The following GLMN variants were observed in gnomAD, a reference collection of about 807,000 sequenced individuals.
The protein encoded by GLMN is glomulin, FKBP associated protein.
A neutral mutation model predicts 87.8 loss-of-function variants in GLMN; 75 were observed. The ratio of observed to expected loss-of-function variants is 0.85; its 90% CI spans 0.71 to 1.04. The LOEUF (loss-of-function observed/expected upper bound fraction) is 1.04, where lower values mean the gene tolerates loss of function less well. Among genes scored for constraint, GLMN ranks in the 50% least tolerant of loss-of-function variants. The probability of loss-of-function intolerance (pLI) is 0.00; values close to 1 mark genes in which losing one functional copy is unlikely to be tolerated. For missense variants in GLMN, 588 were observed against 658.8 expected, an observed-to-expected ratio of 0.89 and a Z score of 1.18; for synonymous variants, 206 against 221.6, an observed-to-expected ratio of 0.93 and a Z score of 0.63.
intron 8 of GLMN, among the ~76,000 whole-genome samples, chr1:92,271,062 G>A (rs112427801): frequency 1.1e-3 from 169 of 152,218 alleles, no homozygotes; most frequent in African/African-American, 3.8e-3. Flanking sequence ...TTAAGGCTTC[G>A]CTTTCTGGTA....
chr1:92,270,382 G>A (rs954015380), intron 8 of GLMN, among the ~76,000 whole-genome samples: 4 of 152,208 alleles, frequency 2.6e-5, no homozygotes, highest in African/African-American at 9.6e-5. Flanking sequence ...TAGATCTTCA[G>A]TGGTATATTA....
At chr1:92,271,372 G>C (rs944473284) in intron 8 of GLMN, 93 bp downstream of exon 8, 9 of 876,104 alleles carry the variant, frequency 1.0e-5, no homozygotes, top group Middle Eastern at 3.3e-4. Context: ...AAATGTATTA[G>C]TGTGTTAATA....
At chr1:92,350,631 A>G in the GLMN span, among the ~76,000 whole-genome samples, 2 of 152,226 alleles carry the variant, frequency 1.3e-5, no homozygotes, top group Non-Finnish European at 2.9e-5. Context: ...AAAAATGTAT[A>G]TAAGTATATA....
At chr1:92,266,858 AAAG>A in intron 11 of GLMN, 117 bp from the exon 12 acceptor site, 1 of 673,644 alleles carries the variant, frequency 1.5e-6, no homozygotes, top group Non-Finnish European at 2.6e-6. Flanking sequence ...AGGAGATTTA[AAAG>A]TGAAGTAAAT....
At chr1:92,369,412 C>T in the GLMN span, among the ~76,000 whole-genome samples, 1 of 152,082 alleles carries the variant, frequency 6.6e-6, no homozygotes, top group African/African-American at 2.4e-5. Context: ...TTGTGGGAAC[C>T]GATCCTCCCA....
intron 6 of GLMN, among the ~76,000 whole-genome samples, chr1:92,288,446 A>C (rs1649027124): frequency 6.6e-6 from 1 of 152,128 alleles, no homozygotes; most frequent in African/African-American, 2.4e-5. Context: ...TTAATTTCTT[A>C]AAGACAGGGT....
At chr1:92,347,100 A>G in the GLMN span, among the ~76,000 whole-genome samples, 1 of 152,318 alleles carries the variant, frequency 6.6e-6, no homozygotes, top group Admixed American at 6.5e-5. Flanking sequence ...AATCTGTGTC[A>G]CCCAACTAGA....
chr1:92,347,794 G>A, the GLMN span, among the ~76,000 whole-genome samples: 3 of 152,114 alleles, frequency 2.0e-5, no homozygotes, highest in Non-Finnish European at 4.4e-5. Context: ...ATATAATGTA[G>A]GGAACCTCTT....
chr1:92,322,181 G>C, the GLMN span, among the ~76,000 whole-genome samples: 1 of 150,990 alleles, frequency 6.6e-6, no homozygotes, highest in African/African-American at 2.4e-5. Context: ...CCTGACCTCA[G>C]GTGACCCACC....
chr1:92,274,856 T>C (rs899069270), intron 7 of GLMN, among the ~76,000 whole-genome samples: 1 of 152,204 alleles, frequency 6.6e-6, no homozygotes, highest in Non-Finnish European at 1.5e-5. Context: ...GTCCTGTGAT[T>C]CCTACATTTT....
At chr1:92,361,033 T>G in the GLMN span, among the ~76,000 whole-genome samples, 1 of 151,396 alleles carries the variant, frequency 6.6e-6, no homozygotes, top group Non-Finnish European at 1.5e-5. Context: ...GACCCACAAG[T>G]CGGTTTTAGG....
At chr1:92,267,379 T>A (rs1655751242) in intron 11 of GLMN, among the ~76,000 whole-genome samples, 1 of 152,328 alleles carries the variant, frequency 6.6e-6, no homozygotes, top group Non-Finnish European at 1.5e-5. Flanking sequence ...TAATAGCTAT[T>A]CGTGTTTAAA....
the GLMN span, among the ~76,000 whole-genome samples, chr1:92,325,690 T>C: frequency 6.6e-6 from 1 of 152,116 alleles, no homozygotes; most frequent in Admixed American, 6.6e-5. Context: ...AGCCAAGAAA[T>C]AGGTCATTAC....
chr1:92,264,839 AT>A (rs1487197999), intron 13 of GLMN, among the ~76,000 whole-genome samples: 4 of 152,018 alleles, frequency 2.6e-5, no homozygotes, highest in Non-Finnish European at 5.9e-5. Flanking sequence ...GTAAATTCTT[AT>A]TTATTTTATT....
At chr1:92,362,744 T>G in the GLMN span, among the ~76,000 whole-genome samples, 1 of 152,164 alleles carries the variant, frequency 6.6e-6, no homozygotes, top group Non-Finnish European at 1.5e-5. Flanking sequence ...TTCAGTGAGT[T>G]TTGAGGCCCC....
chr1:92,363,029 T>C, the GLMN span, among the ~76,000 whole-genome samples: 174 of 152,258 alleles, frequency 1.1e-3, 1 homozygote, highest in South Asian at 3.3e-3. Flanking sequence ...AGGTTATACA[T>C]TGAAAGTAGG....
the GLMN span, among the ~76,000 whole-genome samples, chr1:92,335,777 C>T: frequency 6.6e-6 from 1 of 151,982 alleles, no homozygotes; most frequent in Non-Finnish European, 1.5e-5. Flanking sequence ...TAACCAATCA[C>T]CTATTGATAC....
chr1:92,309,445 A>AAC, the GLMN span, among the ~76,000 whole-genome samples: 1 of 151,732 alleles, frequency 6.6e-6, no homozygotes, highest in African/African-American at 2.4e-5. Context: ...CATCTCAAAA[A>AAC]AAAAAAAATG....
intron 16 of GLMN, among the ~76,000 whole-genome samples, chr1:92,249,851 C>T (rs1276421758): frequency 6.6e-6 from 1 of 152,132 alleles, no homozygotes; most frequent in Non-Finnish European, 1.5e-5. Flanking sequence ...TGTTAGCTCA[C>T]ACATGTGAGA....
Sources: gnomAD v4.1 joint callset for allele counts (sites outside exome capture counted in the v4.1 genomes callset) on GRCh38, gnomAD v4.1.1 for gene constraint, MANE v1.5 for transcripts, NCBI Gene and HGNC (gene_info 2026-07-23, HGNC 2026-07-21) for gene names.